GUCY1A2: variants seen among roughly 807,000 people sequenced by gnomAD.
GUCY1A2 encodes guanylate cyclase 1 soluble subunit alpha 2.
In GUCY1A2, 27 loss-of-function variants were observed where a neutral mutation model predicts 63.5. The observed-to-expected ratio is 0.43, with a 90% CI of 0.31 to 0.59. GUCY1A2 has a LOEUF of 0.59. Ranked by LOEUF, GUCY1A2 falls within the 20% of genes least tolerant of loss-of-function variation. GUCY1A2 has a pLI of 0.11. For synonymous variants in GUCY1A2, 364 were observed against 343.5 expected (o/e 1.06, Z -0.66); for missense variants, 768 against 913.3 (o/e 0.84, Z 2.05).
intron 4 of GUCY1A2, among the ~76,000 whole-genome samples, chr11:106,915,064 T>C (rs1048624446): frequency 6.6e-6 from 1 of 152,124 alleles, no homozygotes; most frequent in Non-Finnish European, 1.5e-5. Context: ...AGCAGGAAAC[T>C]CACTGCTAGC....
intron 1 of GUCY1A2, among the ~76,000 whole-genome samples, chr11:107,003,367 A>G (rs1318352536): frequency 6.6e-6 from 1 of 151,878 alleles, no homozygotes; most frequent in African/African-American, 2.4e-5. Context: ...GCTCCCAGTC[A>G]CCTCCCATCC....
At chr11:106,929,860 A>G (rs766714280) in intron 4 of GUCY1A2, among the ~76,000 whole-genome samples, 14 of 149,990 alleles carry the variant, frequency 9.3e-5, no homozygotes, top group Non-Finnish European at 1.4e-4. Flanking sequence ...TTTTTATATG[A>G]TAACTATTTA....
chr11:106,976,372 C>A (rs1352114323), intron 3 of GUCY1A2, among the ~76,000 whole-genome samples: 1 of 152,142 alleles, frequency 6.6e-6, no homozygotes, highest in African/African-American at 2.4e-5. Flanking sequence ...GTCCAGTAAG[C>A]TGACCAATTC....
intron 7 of GUCY1A2, among the ~76,000 whole-genome samples, chr11:106,691,187 G>A (rs1276811911): frequency 1.3e-5 from 2 of 152,062 alleles, no homozygotes; most frequent in Non-Finnish European, 2.9e-5. Flanking sequence ...TCCTCTGAAT[G>A]GAGACGAGTA....
intron 7 of GUCY1A2, 38 bp from the exon 8 acceptor site, chr11:106,687,794 C>T: frequency 7.2e-7 from 1 of 1,380,446 alleles, no homozygotes; most frequent in Non-Finnish European, 1.0e-6. Context: ...TCAAGTAGGC[C>T]AGGGAAATGT....
chr11:107,007,355 G>C (rs1861684512), intron 1 of GUCY1A2, among the ~76,000 whole-genome samples: 1 of 152,086 alleles, frequency 6.6e-6, no homozygotes, highest in Admixed American at 6.6e-5. Flanking sequence ...ATTCTAAATA[G>C]TCTTAATTTC....
At chr11:106,856,807 C>T (rs973675033) in intron 4 of GUCY1A2, among the ~76,000 whole-genome samples, 1 of 152,128 alleles carries the variant, frequency 6.6e-6, no homozygotes, top group Admixed American at 6.6e-5. Flanking sequence ...CTTCTAAACT[C>T]TATAGCACCA....
At chr11:106,746,579 T>A (rs764047531) in intron 6 of GUCY1A2, 2 of 1,596,266 alleles carry the variant, frequency 1.3e-6, no homozygotes, top group South Asian at 2.2e-5. Flanking sequence ...CGTTTCACTT[T>A]GATGCTGATC....
intron 6 of GUCY1A2, among the ~76,000 whole-genome samples, chr11:106,729,393 GT>G (rs1011250017): frequency 1.3e-4 from 19 of 151,476 alleles, no homozygotes; most frequent in East Asian, 3.9e-4. Flanking sequence ...ACTAAAATAT[GT>G]TTTTTTTTAA....
At chr11:106,892,678 T>C (rs982031551) in intron 4 of GUCY1A2, among the ~76,000 whole-genome samples, 2 of 152,138 alleles carry the variant, frequency 1.3e-5, no homozygotes, top group Non-Finnish European at 2.9e-5. Context: ...CTGATTTTAG[T>C]AAATGATGTT....
intron 7 of GUCY1A2, 119 bp downstream of exon 7, chr11:106,708,393 C>T: frequency 1.3e-6 from 1 of 766,402 alleles, no homozygotes; most frequent in Non-Finnish European, 2.1e-6. Context: ...TTGGGCAGTT[C>T]TACTCATAAT....
chr11:106,817,633 T>C (rs1376229579), intron 4 of GUCY1A2, among the ~76,000 whole-genome samples: 1 of 151,906 alleles, frequency 6.6e-6, no homozygotes, highest in Admixed American at 6.6e-5. Context: ...CCAAAATATA[T>C]AAAGAACTCA....
chr11:106,712,590 A>AT (rs1016567938), intron 6 of GUCY1A2, among the ~76,000 whole-genome samples: 2 of 144,854 alleles, frequency 1.4e-5, no homozygotes, highest in African/African-American at 2.8e-5. Flanking sequence ...AGTGCTGGAT[A>AT]TTTTTATAAT....
intron 4 of GUCY1A2, chr11:106,824,162 G>C (rs1004561060): frequency 7.0e-6 from 10 of 1,437,156 alleles, no homozygotes; most frequent in Non-Finnish European, 9.4e-6. Flanking sequence ...AAGTGACAAA[G>C]TCCACACAGA....
intron 3 of GUCY1A2, among the ~76,000 whole-genome samples, chr11:106,963,563 G>A (rs983971570): frequency 5.3e-5 from 8 of 152,096 alleles, no homozygotes; most frequent in Admixed American, 3.9e-4. Flanking sequence ...GTGGGACTAC[G>A]TTCAGACACT....
In GUCY1A2 at chr11:106,810,371, T is replaced by C. The variant is rs1858746973; in HGVS notation, c.1314A>G (p.Leu438=). The C allele has an allele frequency of 1.9e-6, 3 of 1,613,768 alleles. No homozygotes were observed. The African/African-American group carries it at 4.0e-5, about 22-fold the overall frequency. The part of the protein sequence containing the change: ...DKLDELMGRG[L]HLSDIPIHDA... ...CATGGATAGGGATGTCTGAGAGATG[T>C]AGCCCTCGGCCCATGAGTTCATCCA... The change falls in exon 5 of 8, where the codon CTA becomes CTG. Residue 438 remains leucine, a synonymous_variant. Transcript: ENST00000526355.
chr11:106,796,716 T>A (rs1265606725), intron 5 of GUCY1A2, among the ~76,000 whole-genome samples: 1 of 152,216 alleles, frequency 6.6e-6, no homozygotes, highest in Non-Finnish European at 1.5e-5. Context: ...CATTTTTTCC[T>A]TCATTTCAAC....
chr11:106,786,766 G>A (rs1177282021), intron 5 of GUCY1A2, among the ~76,000 whole-genome samples: 1 of 152,078 alleles, frequency 6.6e-6, no homozygotes, highest in East Asian at 1.9e-4. Flanking sequence ...CACTGTAATT[G>A]ACTCCATGTT....
intron 4 of GUCY1A2, among the ~76,000 whole-genome samples, chr11:106,861,978 C>G (rs1484877653): frequency 6.6e-6 from 1 of 151,976 alleles, no homozygotes; most frequent in African/African-American, 2.4e-5. Context: ...TGGTTTTCCT[C>G]TTCATTAAAC....
Sources: allele counts gnomAD v4.1 joint callset (sites outside exome capture counted in the v4.1 genomes callset), GRCh38; gene constraint gnomAD v4.1.1; transcripts MANE v1.5; gene names NCBI Gene and HGNC (gene_info 2026-07-23, HGNC 2026-07-21).